NR2F2: variants seen among roughly 807,000 people sequenced by gnomAD.
NR2F2 encodes the protein COUP transcription factor 2.
Under a neutral mutation model 34.8 loss-of-function variants are expected in NR2F2, and 2 were observed. The ratio of observed to expected loss-of-function variants is 0.06; its 90% CI spans 0.02 to 0.18. The LOEUF (loss-of-function observed/expected upper bound fraction) is 0.18, where lower values mean the gene tolerates loss of function less well. NR2F2 is among the 10% of genes least tolerant of loss of function. The probability of loss-of-function intolerance (pLI) is 1.00; values close to 1 mark genes in which losing one functional copy is unlikely to be tolerated. For missense variants in NR2F2, 300 were observed against 580.1 expected, an observed-to-expected ratio of 0.52 and a Z score of 4.96; for synonymous variants, 274 against 251.8, an observed-to-expected ratio of 1.09 and a Z score of -0.84.
Position 96,330,859 on chromosome 15 carries a change from C to G in NR2F2, c.-1247C>G. 8.6e-7 allele frequency: 1 copy of G among 1,158,708 alleles called. No individual in the cohort carries two copies. Among genetic ancestry groups the G allele is most frequent in the Non-Finnish European group, 1.1e-6 (1 of 940,532 alleles). 71.8% of individuals were successfully genotyped at this position (1,158,708 alleles called of 1,614,324 possible). A position where few individuals can be genotyped will look rare whatever the true frequency, so the allele number is the denominator to read the frequency against. ...TTTCTTCTTCTCCTCCTCCTCTCCC[C>G]GAGTTGCCTCCTTTCTCCGGGTGCC... On this transcript the variant is annotated 5_prime_UTR_variant, in exon 1 of 3. Transcript: ENST00000394166.
upstream of NR2F2, among the ~76,000 whole-genome samples, chr15:96,330,547 G>C (rs892153013): frequency 3.4e-5 from 5 of 147,982 alleles, no homozygotes; most frequent in Non-Finnish European, 7.5e-5. Flanking sequence ...GCCGCAGTCC[G>C]GCCAATGACG....
At chr15:96,330,396 C>T (rs1899095984), upstream of NR2F2, among the ~76,000 whole-genome samples, 1 of 142,402 alleles carries the variant, frequency 7.0e-6, no homozygotes, top group South Asian at 2.2e-4. Context: ...GGCCCATCCC[C>T]CTCTCGGCGG....
upstream of NR2F2, among the ~76,000 whole-genome samples, chr15:96,330,066 C>CT (rs1378425390): frequency 6.6e-6 from 1 of 152,196 alleles, no homozygotes; most frequent in Admixed American, 6.5e-5. Context: ...CTGGCCAACT[C>CT]TTTCGTTTGG....
chr15:96,326,306 G>A, upstream of NR2F2: 1 of 1,613,256 alleles, frequency 6.2e-7, no homozygotes, highest in Non-Finnish European at 8.5e-7. The surrounding 1 kb of genome is among the most constrained non-coding windows in gnomAD (Gnocchi z 5.5). Flanking sequence ...AGTTTAGGAG[G>A]AAGATGCAAG....
intron 1 of NR2F2, 164 bp downstream of exon 1, chr15:96,332,711 C>T (rs1899182576): frequency 1.4e-6 from 2 of 1,404,958 alleles, no homozygotes; most frequent in East Asian, 2.5e-5. Flanking sequence ...GAACCCAGAC[C>T]CCAAATCCGC....
chr15:96,332,369 C>G lies in NR2F2; in HGVS notation c.264C>G (p.Gly88=), dbSNP rs757445345. Residue 88 remains glycine, a synonymous_variant, in exon 1 of 3, where the codon GGC becomes GGG. Transcript: ENST00000394166. ...ECVVCGDKSS[G]KHYGQFTCEG... ...TGGTGTGCGGAGACAAGTCGAGCGG[C>G]AAGCACTACGGCCAGTTCACGTGCG... 3.3e-5 allele frequency: 54 copies of G among 1,612,460 alleles called. No individual in the cohort carries two copies. The highest frequency in any genetic ancestry group is 4.4e-5 in the Non-Finnish European group (52 of 1,179,298).
Position 96,331,928 on chromosome 15 carries a change from AAACT to A in NR2F2, c.-174_-171del, listed in dbSNP as rs1315014169. 10 of 1,207,882 alleles carry A rather than the reference AAACT, an allele frequency of 8.3e-6. No individual in the cohort carries two copies. The highest frequency in any genetic ancestry group is 9.2e-6 in the Non-Finnish European group (9 of 973,174). 74.8% of individuals were successfully genotyped at this position (1,207,882 alleles called of 1,614,324 possible). ...TGCAAAAGCAAAAACAAAAAAGGAA[AAACT>A]AACCAACCTCAACCAACCAGCCCCC... On this transcript the variant is annotated 5_prime_UTR_variant, in exon 1 of 3. Transcript: ENST00000394166.
chr15:96,328,483 C>G (rs1192497216), upstream of NR2F2, among the ~76,000 whole-genome samples: 1 of 152,216 alleles, frequency 6.6e-6, no homozygotes, highest in African/African-American at 2.4e-5. Flanking sequence ...TTTCCTATCT[C>G]AACCCCAGTC....
Position 96,339,725 on chromosome 15 carries a change from T to G in NR2F2, c.*2103T>G, listed in dbSNP as rs906837484. The stretch of plus-strand genomic sequence containing the variant: ...ATTTCTTTTGGAGTCTTTTTTTCAT[T>G]TTTCCTCTTTCTCTTTTCCTGGTTT... On this transcript the variant is annotated 3_prime_UTR_variant, in exon 3 of 3. Transcript: ENST00000394166. 5.3e-5 allele frequency: 8 copies of G among 152,150 alleles called. No individual in the cohort carries two copies. Among genetic ancestry groups the G allele is most frequent in the African/African-American group, 1.9e-4 (8 of 41,424 alleles). The allele number at this position is 152,150 out of a possible 1,614,324, so 9.4% of individuals were successfully genotyped here. A position where few individuals can be genotyped will look rare whatever the true frequency, so the allele number is the denominator to read the frequency against.
At chr15:96,332,598 GTAC>G in intron 1 of NR2F2, 51 bp downstream of exon 1, 1 of 1,587,566 alleles carries the variant, frequency 6.3e-7, no homozygotes. Context: ...GGGGTCCTGG[GTAC>G]GTTTGGCTAG....
In NR2F2 at chr15:96,332,041, C is replaced by T. The variant is rs142499350; in HGVS notation, c.-65C>T. On this transcript the variant is annotated 5_prime_UTR_variant, in exon 1 of 3. Transcript: ENST00000394166. ...GCGCCGGAGCCCGAGACCCGGGGAGCCGCCGCCGCCCCGCCGCCGCCCGCA... is the reference window on the plus strand; with the variant it reads ...GCGCCGGAGCCCGAGACCCGGGGAGTCGCCGCCGCCCCGCCGCCGCCCGCA... 0.022 allele frequency: 26,851 copies of T among 1,244,404 alleles called. 4,597 individuals carry two copies. In the African/African-American group the frequency reaches 0.37, roughly 17 times the overall value. 77.1% of individuals were successfully genotyped at this position (1,244,404 alleles called of 1,614,324 possible). A position where few individuals can be genotyped will look rare whatever the true frequency, so the allele number is the denominator to read the frequency against.
upstream of NR2F2, among the ~76,000 whole-genome samples, chr15:96,329,872 C>G (rs528367201): frequency 4.6e-5 from 7 of 151,968 alleles, no homozygotes; most frequent in African/African-American, 9.7e-5. Context: ...TCTCAGCATC[C>G]GAGATGCTTT....
rs994233577 is a variant in NR2F2, at chr15:96,339,328, A to T, written c.*1706A>T. The stretch of plus-strand genomic sequence containing the variant: ...TTTCCTTAAGTAGGTACGATTTTTT[A>T]AAATATTCTGTGATTCTACTCTAGC... On this transcript the variant is annotated 3_prime_UTR_variant, in exon 3 of 3. Transcript: ENST00000394166. 1 of 152,166 alleles carries T rather than the reference A, an allele frequency of 6.6e-6. No individual in the cohort carries two copies. Among genetic ancestry groups the T allele is most frequent in the African/African-American group, 2.4e-5 (1 of 41,444 alleles). The allele number at this position is 152,166 out of a possible 1,614,324, so 9.4% of individuals were successfully genotyped here. A position where few individuals can be genotyped will look rare whatever the true frequency, so the allele number is the denominator to read the frequency against.
At chr15:96,333,749 G>A (rs1460351717) in intron 1 of NR2F2, 12 of 1,328,792 alleles carry the variant, frequency 9.0e-6, no homozygotes, top group Non-Finnish European at 1.1e-5. Context: ...TAGCAGTAAA[G>A]AAGAAAGATG....
At chr15:96,333,536 CCTCCG>C in intron 1 of NR2F2, 1 of 1,009,344 alleles carries the variant, frequency 9.9e-7, no homozygotes, top group East Asian at 1.0e-4. Context: ...AGACGCCAGA[CCTCCG>C]CTCTCTGCTT....
chr15:96,334,710 C>A, intron 2 of NR2F2, 107 bp downstream of exon 2: 1 of 1,261,562 alleles, frequency 7.9e-7, no homozygotes, highest in Non-Finnish European at 1.1e-6. Flanking sequence ...CTTGAAAGGC[C>A]AAACTGTTGA....
At chr15:96,326,305 G>A (rs777191692), upstream of NR2F2, 1 of 1,613,252 alleles carries the variant, frequency 6.2e-7, no homozygotes, top group Non-Finnish European at 8.5e-7. This position sits in a 1 kb window ranked among gnomAD's most constrained non-coding sequence, Gnocchi z 5.5. Context: ...CAGTTTAGGA[G>A]GAAGATGCAA....
Position 96,331,059 on chromosome 15 carries a change from G to A in NR2F2, c.-1047G>A, listed in dbSNP as rs1220955127. On this transcript the variant is annotated 5_prime_UTR_variant, in exon 1 of 3. Coordinates refer to ENST00000394166, the MANE Select transcript of NR2F2 (RefSeq NM_021005.4). Reference sequence around the variant, plus strand: ...TGTGTGTGAGGCGGCGGCGGCAGCAGCAGCAGCAGCGGCTCCGGCGGCGGC... The same window carrying A: ...TGTGTGTGAGGCGGCGGCGGCAGCAACAGCAGCAGCGGCTCCGGCGGCGGC... 17 of 1,241,202 alleles carry A rather than the reference G, an allele frequency of 1.4e-5. No individual in the cohort carries two copies. Among genetic ancestry groups the A allele is most frequent in the Non-Finnish European group, 1.7e-5 (17 of 996,942 alleles). The allele number at this position is 1,241,202 out of a possible 1,614,324, so 76.9% of individuals were successfully genotyped here.
In NR2F2 at chr15:96,330,862, G is replaced by C. The variant is rs1451013631; in HGVS notation, c.-1244G>C. 8.6e-7 allele frequency: 1 copy of C among 1,159,452 alleles called. No homozygotes were observed. The highest frequency in any genetic ancestry group is 1.1e-6 in the Non-Finnish European group (1 of 941,188). 71.8% of individuals were successfully genotyped at this position (1,159,452 alleles called of 1,614,324 possible). On this transcript the variant is annotated 5_prime_UTR_variant, in exon 1 of 3. Coordinates refer to ENST00000394166, the MANE Select transcript of NR2F2 (RefSeq NM_021005.4). ...CTTCTTCTCCTCCTCCTCTCCCCGA[G>C]TTGCCTCCTTTCTCCGGGTGCCGTA...
Sources: gnomAD v4.1 joint callset for allele counts (sites outside exome capture counted in the v4.1 genomes callset) on GRCh38, gnomAD v4.1.1 for gene constraint, Gnocchi (gnomAD v3.1) non-coding constraint, MANE v1.5 for transcripts, NCBI Gene and HGNC (gene_info 2026-07-23, HGNC 2026-07-21) for gene names.